Variants in ARL15 observed in about 807,000 individuals in gnomAD.
The protein encoded by ARL15 is ARF like GTPase 15, also known as ADP-ribosylation factor-like protein 15.
ARL15 carries 19 observed loss-of-function variants against 25.2 expected under a neutral mutation model. That is an observed-to-expected ratio of 0.75 (90% CI 0.53 to 1.10). The LOEUF (loss-of-function observed/expected upper bound fraction) is 1.10. Ranked by LOEUF, ARL15 falls within the 50% of genes least tolerant of loss-of-function variation. The pLI is 0.00. For missense variants in ARL15, 220 were observed against 246.0 expected (o/e 0.89, Z 0.71); for synonymous variants, 94 against 86.8 (o/e 1.08, Z -0.46).
chr5:54,160,521 C>T (rs1272682545), intron 2 of ARL15, among the ~76,000 whole-genome samples: 2 of 151,916 alleles, frequency 1.3e-5, no homozygotes, highest in Admixed American at 6.6e-5. Flanking sequence ...ATGTAATCTA[C>T]AGTTTAACAA....
At chr5:54,043,822 G>A (rs1184649856) in intron 4 of ARL15, among the ~76,000 whole-genome samples, 1 of 150,552 alleles carries the variant, frequency 6.6e-6, no homozygotes, top group African/African-American at 2.4e-5. Context: ...TCTAGCCTCG[G>A]GAACATGGCA....
At chr5:54,206,581 G>A (rs1755875605) in intron 1 of ARL15, among the ~76,000 whole-genome samples, 1 of 152,132 alleles carries the variant, frequency 6.6e-6, no homozygotes, top group Admixed American at 6.6e-5. Context: ...ACCCTCTGTG[G>A]GGGATAAGAA....
chr5:54,042,176 G>A (rs987361012), intron 4 of ARL15, among the ~76,000 whole-genome samples: 1 of 152,022 alleles, frequency 6.6e-6, no homozygotes, highest in African/African-American at 2.4e-5. Flanking sequence ...TCGCCATGTT[G>A]GCCAGGCTGG....
At chr5:54,191,837 C>A (rs1285340170) in intron 1 of ARL15, among the ~76,000 whole-genome samples, 1 of 152,162 alleles carries the variant, frequency 6.6e-6, no homozygotes, top group East Asian at 1.9e-4. Flanking sequence ...CAGAGTGATC[C>A]TGTTAACATA....
intron 1 of ARL15, among the ~76,000 whole-genome samples, chr5:54,246,827 CACACACACACACACACACAG>C (rs1242278186): frequency 4.9e-5 from 7 of 143,068 alleles, no homozygotes; most frequent in African/African-American, 1.8e-4. Flanking sequence ...CACACACACA[CACACACACACACACACACAG>C]AGTACATAAA....
At position 53,957,848 on chromosome 5, in the gene ARL15, C is replaced by G. The variant is rs73110864; in HGVS notation, c.463-71135G>C. 3.4e-3 allele frequency among the ~76,000 whole-genome samples: 512 copies of G among 152,108 alleles called. 5 individuals carry two copies. Among genetic ancestry groups the G allele is most frequent in the African/African-American group, 0.012 (499 of 41,498 alleles). ...CAAAAACAGAAAAATAGTAATCAAACAGGTAAATATAAAAGCTAGTATATA... is the reference window on the plus strand; with the variant it reads ...CAAAAACAGAAAAATAGTAATCAAAGAGGTAAATATAAAAGCTAGTATATA... On this transcript the variant is annotated intron_variant, in intron 4 of 4. Transcript: ENST00000504924.
chr5:53,950,949 G>C (rs371935549), intron 4 of ARL15, among the ~76,000 whole-genome samples: 2 of 152,166 alleles, frequency 1.3e-5, no homozygotes, highest in African/African-American at 4.8e-5. Context: ...ATCTAGCTTG[G>C]GGTCAGCAAA....
At chr5:54,148,123 C>G (rs1753962868) in intron 3 of ARL15, among the ~76,000 whole-genome samples, 1 of 152,136 alleles carries the variant, frequency 6.6e-6, no homozygotes, top group South Asian at 2.1e-4. Context: ...TGAAAGACAT[C>G]AAATGGCATG....
chr5:54,117,364 G>GACACACACACACACAC lies in ARL15; in HGVS notation c.254-3955_254-3954insGTGTGTGTGTGTGTGT, dbSNP rs776020187. Among the ~76,000 whole-genome samples the GACACACACACACACAC allele has an allele frequency of 2.1e-4, 19 of 91,030 alleles. 1 individual carries two copies. In the South Asian group the frequency reaches 5.2e-3, roughly 25 times the overall value. 59.7% of individuals were successfully genotyped at this position (91,030 alleles called of 152,430 possible). The stretch of plus-strand genomic sequence containing the variant: ...TACATATGGTACCTGCAAATAGTGA[G>GACACACACACACACAC]ACACATACACACACACACACACACA... On this transcript the variant is annotated intron_variant, in intron 3 of 4. Transcript: ENST00000504924.
chr5:54,168,811 C>T (rs940307179), intron 2 of ARL15, among the ~76,000 whole-genome samples: 2 of 152,174 alleles, frequency 1.3e-5, no homozygotes, highest in Admixed American at 6.5e-5. Flanking sequence ...GATCACTCTC[C>T]TCTTTTAACT....
rs1166499652 is a variant in ARL15, at chr5:54,161,986, TAC to T, written c.194-7349_194-7348del. On this transcript the variant is annotated intron_variant, in intron 2 of 4. Coordinates refer to ENST00000504924, the MANE Select transcript of ARL15 (RefSeq NM_019087.3). ...TCCACCCCCTTTGTTCTTCTTTACT[TAC>T]ACACACACATACACACACACACACA... Among the ~76,000 whole-genome samples the T allele has an allele frequency of 4.2e-5, 4 of 94,350 alleles. No individual in the cohort carries two copies. The South Asian group carries it at 1.1e-3, about 27-fold the overall frequency. The allele number at this position is 94,350 out of a possible 152,430, so 61.9% of individuals were successfully genotyped here. A position where few individuals can be genotyped will look rare whatever the true frequency, so the allele number is the denominator to read the frequency against.
intron 4 of ARL15, among the ~76,000 whole-genome samples, chr5:54,025,681 GTTTC>G (rs1749770584): frequency 7.0e-6 from 1 of 143,880 alleles, no homozygotes; most frequent in East Asian, 2.1e-4. Flanking sequence ...TTGTTTGTTT[GTTTC>G]GGTAATTACA....
At chr5:53,958,559 T>G (rs1456002628) in intron 4 of ARL15, among the ~76,000 whole-genome samples, 1 of 152,186 alleles carries the variant, frequency 6.6e-6, no homozygotes, top group Non-Finnish European at 1.5e-5. Flanking sequence ...AAGGTTAAGA[T>G]TCTTGTTGGT....
intron 4 of ARL15, among the ~76,000 whole-genome samples, chr5:53,942,969 T>C (rs1746594369): frequency 6.6e-6 from 1 of 152,176 alleles, no homozygotes; most frequent in South Asian, 2.1e-4. Flanking sequence ...AGAGAACTGA[T>C]TGGCATGACT....
At chr5:53,908,691 T>A (rs1745353817) in intron 4 of ARL15, among the ~76,000 whole-genome samples, 1 of 152,184 alleles carries the variant, frequency 6.6e-6, no homozygotes, top group African/African-American at 2.4e-5. Context: ...ATTTTCAAAA[T>A]GTTTCTTTTT....
At chr5:54,007,039 C>T (rs905803511) in intron 4 of ARL15, among the ~76,000 whole-genome samples, 5 of 151,920 alleles carry the variant, frequency 3.3e-5, no homozygotes, top group Admixed American at 1.3e-4. Context: ...TGCAAAACTC[C>T]GTTTCAAAAA....
At chr5:54,174,605 T>C (rs1429617602) in intron 1 of ARL15, among the ~76,000 whole-genome samples, 3 of 152,184 alleles carry the variant, frequency 2.0e-5, no homozygotes, top group African/African-American at 7.2e-5. Flanking sequence ...TTCTCTGATC[T>C]TCCTTTAGTT....
At chr5:54,135,431 G>A (rs2112291359) in intron 3 of ARL15, among the ~76,000 whole-genome samples, 1 of 152,146 alleles carries the variant, frequency 6.6e-6, no homozygotes, top group East Asian at 1.9e-4. Context: ...CACATCATAG[G>A]AAAAATAGTT....
chr5:54,134,096 C>A (rs1297830200), intron 3 of ARL15, among the ~76,000 whole-genome samples: 1 of 151,924 alleles, frequency 6.6e-6, no homozygotes, highest in Non-Finnish European at 1.5e-5. Context: ...GTTATGTAAC[C>A]CTGGAGAATG....
Sources: gnomAD v4.1 joint callset for allele counts (sites outside exome capture counted in the v4.1 genomes callset) on GRCh38, gnomAD v4.1.1 for gene constraint, MANE v1.5 for transcripts, NCBI Gene and HGNC (gene_info 2026-07-23, HGNC 2026-07-21) for gene names.